Variants in TMEM117 observed in about 807,000 individuals in gnomAD.
TMEM117 encodes the protein transmembrane protein 117.
TMEM117 carries 27 observed loss-of-function variants against 52.4 expected under a neutral mutation model. The observed-to-expected ratio is 0.51, with a 90% CI of 0.38 to 0.71. The LOEUF is 0.71. Ranked by LOEUF, TMEM117 falls within the 30% of genes least tolerant of loss-of-function variation. The pLI is 0.00. For synonymous variants in TMEM117, 215 were observed against 206.3 expected, an observed-to-expected ratio of 1.04 and a Z score of -0.36; for missense variants, 556 against 630.5, an observed-to-expected ratio of 0.88 and a Z score of 1.26.
chr12:43,859,042 G>C (rs2137392210), intron 2 of TMEM117, among the ~76,000 whole-genome samples: 1 of 152,216 alleles, frequency 6.6e-6, no homozygotes, highest in East Asian at 1.9e-4. Context: ...GAGTTTGTGG[G>C]AATCATAGAA....
intron 6 of TMEM117, among the ~76,000 whole-genome samples, chr12:44,334,878 A>C (rs2138734434): frequency 6.6e-6 from 1 of 152,184 alleles, no homozygotes; most frequent in East Asian, 1.9e-4. Flanking sequence ...TCTTCTGAAA[A>C]AGTATATAGA....
chr12:44,358,146 A>C (rs1951676480), intron 6 of TMEM117, among the ~76,000 whole-genome samples: 1 of 152,128 alleles, frequency 6.6e-6, no homozygotes, highest in South Asian at 2.1e-4. Flanking sequence ...TAAAGCAACA[A>C]AAGACACTGT....
chr12:44,218,173 G>A (rs1375422680), intron 5 of TMEM117, among the ~76,000 whole-genome samples: 4 of 151,718 alleles, frequency 2.6e-5, no homozygotes, highest in South Asian at 2.1e-4. Flanking sequence ...GCAGTGAGCC[G>A]AGATTGCACC....
At chr12:44,010,153 G>T in intron 3 of TMEM117, 1 of 516,030 alleles carries the variant, frequency 1.9e-6, no homozygotes. Flanking sequence ...TTTGCTCTAG[G>T]AACAGTTTTA....
At chr12:44,276,569 T>C (rs1344921024) in intron 5 of TMEM117, among the ~76,000 whole-genome samples, 1 of 152,060 alleles carries the variant, frequency 6.6e-6, no homozygotes, top group Non-Finnish European at 1.5e-5. Flanking sequence ...ATCTACTGTA[T>C]ACCATGGTAC....
At chr12:43,953,911 C>G (rs978800287) in intron 3 of TMEM117, among the ~76,000 whole-genome samples, 7 of 152,112 alleles carry the variant, frequency 4.6e-5, no homozygotes, top group African/African-American at 1.7e-4. Context: ...GGAAGTAAAA[C>G]ACTCCTCAGC....
chr12:43,915,500 C>A (rs1326048999), intron 2 of TMEM117, among the ~76,000 whole-genome samples: 1 of 152,170 alleles, frequency 6.6e-6, no homozygotes, highest in Non-Finnish European at 1.5e-5. Context: ...AATATCAGTG[C>A]TTCTTATACA....
intron 4 of TMEM117, among the ~76,000 whole-genome samples, chr12:44,187,082 A>C (rs993873254): frequency 5.9e-5 from 9 of 152,078 alleles, no homozygotes; most frequent in African/African-American, 1.4e-4. Context: ...CAAGGCAGAC[A>C]AGTTTTCTAC....
chr12:43,919,326 C>A (rs4768545), intron 2 of TMEM117, among the ~76,000 whole-genome samples: 145,236 of 152,214 alleles, frequency 0.95, 69,656 homozygotes, highest in East Asian at 1. Flanking sequence ...GACAACCACC[C>A]TTGTACTCTC....
chr12:44,225,272 G>T (rs1381516791), intron 5 of TMEM117, among the ~76,000 whole-genome samples: 1 of 152,114 alleles, frequency 6.6e-6, no homozygotes. Context: ...AAGTAACATA[G>T]TGCTTAATGA....
At chr12:44,002,383 T>C (rs1431677530) in intron 3 of TMEM117, among the ~76,000 whole-genome samples, 1 of 71,102 alleles carries the variant, frequency 1.4e-5, no homozygotes, top group African/African-American at 2.7e-5. Context: ...AGGGATGAGA[T>C]CTTTTGCTAC....
the TMEM117 span, among the ~76,000 whole-genome samples, chr12:43,829,007 G>A: frequency 1.3e-5 from 2 of 151,996 alleles, no homozygotes; most frequent in Non-Finnish European, 1.5e-5. Flanking sequence ...GGTTGGTCTC[G>A]AACTTCTGAG....
chr12:44,195,936 A>AAC (rs1555130727), intron 4 of TMEM117, among the ~76,000 whole-genome samples: 1,844 of 136,642 alleles, frequency 0.013, 19 homozygotes, highest in South Asian at 0.029. Flanking sequence ...AAATAAATAA[A>AAC]TAACTGGGCA....
chr12:44,276,140 A>G (rs1303522701), intron 5 of TMEM117, among the ~76,000 whole-genome samples: 1 of 152,154 alleles, frequency 6.6e-6, no homozygotes, highest in Non-Finnish European at 1.5e-5. Flanking sequence ...TACTGGGTAT[A>G]TATCCAAAGG....
chr12:44,233,509 T>G (rs1949957797), intron 5 of TMEM117, among the ~76,000 whole-genome samples: 1 of 151,340 alleles, frequency 6.6e-6, no homozygotes, highest in African/African-American at 2.4e-5. Context: ...TCACGTTTAA[T>G]TACTTGGTTA....
At chr12:44,247,416 A>AT (rs2138500722) in intron 5 of TMEM117, among the ~76,000 whole-genome samples, 1 of 152,188 alleles carries the variant, frequency 6.6e-6, no homozygotes, top group South Asian at 2.1e-4. Context: ...ACAAGGATAT[A>AT]TTTTTTCTTG....
the TMEM117 span, among the ~76,000 whole-genome samples, chr12:43,812,288 C>A: frequency 3.3e-5 from 5 of 152,164 alleles, no homozygotes; most frequent in Non-Finnish European, 7.3e-5. Flanking sequence ...AGAAAACCCT[C>A]GGGAACAATT....
chr12:44,076,644 TA>T (rs1947387249), intron 3 of TMEM117, among the ~76,000 whole-genome samples: 1 of 152,214 alleles, frequency 6.6e-6, no homozygotes, highest in South Asian at 2.1e-4. Flanking sequence ...TATCTCCAAT[TA>T]ACCAGTGCTG....
intron 4 of TMEM117, among the ~76,000 whole-genome samples, chr12:44,179,215 T>C (rs1949156434): frequency 6.7e-6 from 1 of 148,884 alleles, no homozygotes; most frequent in Non-Finnish European, 1.5e-5. Context: ...ACAAAGCTGC[T>C]ATATATATAT....
Sources: allele counts gnomAD v4.1 joint callset (sites outside exome capture counted in the v4.1 genomes callset), GRCh38; gene constraint gnomAD v4.1.1; transcripts MANE v1.5; gene names NCBI Gene and HGNC (gene_info 2026-07-23, HGNC 2026-07-21).